PRKCE: variants seen among roughly 807,000 people sequenced by gnomAD.
The protein encoded by PRKCE is protein kinase C epsilon type.
PRKCE carries 16 observed loss-of-function variants against 85.4 expected under a neutral mutation model. The observed-to-expected ratio is 0.19, with a 90% confidence interval of 0.13 to 0.28. The LOEUF is 0.28. Among genes scored for constraint, PRKCE ranks in the 10% least tolerant of loss-of-function variants. The pLI, the probability that PRKCE is intolerant of heterozygous loss-of-function variation, is 1.00. For missense variants in PRKCE, 573 were observed against 975.2 expected (o/e 0.59, Z 5.49); for synonymous variants, 388 against 371.5 (o/e 1.04, Z -0.51).
At chr2:45,970,052 G>C (rs1702005657) in intron 2 of PRKCE, among the ~76,000 whole-genome samples, 1 of 152,182 alleles carries the variant, frequency 6.6e-6, no homozygotes. Context: ...TATTGACTTA[G>C]AGTTAATTCC....
At chr2:45,712,727 G>A (rs1315004942) in intron 1 of PRKCE, among the ~76,000 whole-genome samples, 2 of 152,040 alleles carry the variant, frequency 1.3e-5, no homozygotes, top group African/African-American at 4.8e-5. Context: ...GCTCCTCCCT[G>A]TACCTACAGG....
At chr2:45,887,576 G>A (rs1040984087) in intron 2 of PRKCE, among the ~76,000 whole-genome samples, 30 of 151,900 alleles carry the variant, frequency 2.0e-4, no homozygotes, top group African/African-American at 6.8e-4. Flanking sequence ...TACAGATGAA[G>A]CCACTTCTCC....
rs113536391 is a variant in PRKCE at position 45,852,575 on chromosome 2, A to G, written c.412+9512A>G. 4.2e-3 allele frequency among the ~76,000 whole-genome samples: 642 copies of G among 152,276 alleles called. 8 individuals are homozygous for G. Among genetic ancestry groups the G allele is most frequent in the Middle Eastern group, 0.017 (5 of 294 alleles). On this transcript the variant is annotated intron_variant, in intron 2 of 14. Coordinates refer to ENST00000306156, the MANE Select transcript of PRKCE (RefSeq NM_005400.3). The stretch of plus-strand genomic sequence containing the variant: ...CTCAAGCCAGGAGATGTCCAGCAAC[A>G]AGTCATTTACTCTACTTGGGTCCCA...
intron 14 of PRKCE, among the ~76,000 whole-genome samples, chr2:46,172,187 C>G (rs1237354759): frequency 6.6e-6 from 1 of 152,192 alleles, no homozygotes; most frequent in Non-Finnish European, 1.5e-5. Context: ...CCTGCAAAGC[C>G]AGGCTGAGCT....
chr2:46,112,296 G>C (rs1024672236), intron 11 of PRKCE, among the ~76,000 whole-genome samples: 1 of 151,980 alleles, frequency 6.6e-6, no homozygotes, highest in East Asian at 1.9e-4. Context: ...ATTTAAAGTG[G>C]TTTTCTTTTA....
At chr2:45,931,562 G>A (rs771842121) in intron 2 of PRKCE, among the ~76,000 whole-genome samples, 2 of 152,172 alleles carry the variant, frequency 1.3e-5, no homozygotes, top group East Asian at 1.9e-4. Context: ...TTCCATTGGG[G>A]CTTAACTTCC....
chr2:46,073,499 C>A (rs898969696), intron 10 of PRKCE: 1 of 152,234 alleles, frequency 6.6e-6, no homozygotes, highest in Non-Finnish European at 1.5e-5. Context: ...GTTGCACTTC[C>A]CTCAGCTGCT....
At position 45,707,776 on chromosome 2, in the gene PRKCE, G is replaced by A. The variant is rs1679237994; in HGVS notation, c.348+55328G>A. ...AATAGCTCCTGCATCCTCCCACACA[G>A]ACGAGCTGAGAGTCTGCCTCTGATG... On this transcript the variant is annotated intron_variant, in intron 1 of 14. Transcript: ENST00000306156. Among the ~76,000 whole-genome samples, 7 of 152,334 alleles carry A rather than the reference G, an allele frequency of 4.6e-5. No homozygotes were observed. The South Asian group carries it at 1.2e-3, about 27-fold the overall frequency.
At position 46,139,147 on chromosome 2, in the gene PRKCE, T is replaced by C. The variant is rs1243849113; in HGVS notation, c.1593-5946T>C. 6.6e-6 allele frequency among the ~76,000 whole-genome samples: 1 copy of C among 152,194 alleles called. No individual in the cohort carries two copies. Among genetic ancestry groups the C allele is most frequent in the Non-Finnish European group, 1.5e-5 (1 of 68,050 alleles). On this transcript the variant is annotated intron_variant, in intron 11 of 14. Coordinates refer to ENST00000306156, the MANE Select transcript of PRKCE (RefSeq NM_005400.3). This position sits in a 1 kb window ranked among gnomAD's most constrained non-coding sequence, Gnocchi z 5.2. ...GGGACCACCAAAGATGCTATCACCATTATTACTTAGCATTGTTCTTGAGGT... is the reference window on the plus strand; with the variant it reads ...GGGACCACCAAAGATGCTATCACCACTATTACTTAGCATTGTTCTTGAGGT...
Position 45,818,082 on chromosome 2 carries a change from T to A in PRKCE, c.349-24918T>A, listed in dbSNP as rs558349275. ...ACATTTGTGATTCTGTGACTTTTTC[T>A]CCTTCATGGGATAGGCAAGGGGAAT... On this transcript the variant is annotated intron_variant, in intron 1 of 14. Transcript: ENST00000306156. 2.6e-5 allele frequency among the ~76,000 whole-genome samples: 4 copies of A among 152,332 alleles called. No homozygotes were observed. In the South Asian group the frequency reaches 8.3e-4, roughly 32 times the overall value.
intron 10 of PRKCE, among the ~76,000 whole-genome samples, chr2:46,080,912 C>T (rs752911979): frequency 6.6e-6 from 1 of 152,064 alleles, no homozygotes. Flanking sequence ...CACAGGCTCA[C>T]GGCAGCAGGC....
chr2:45,651,296 G>T (rs1033948705), upstream of PRKCE: 1 of 149,844 alleles, frequency 6.7e-6, no homozygotes, highest in African/African-American at 2.4e-5. Context: ...CTGCCCCGCC[G>T]CCGCGCTGCG....
intron 2 of PRKCE, among the ~76,000 whole-genome samples, chr2:45,891,220 A>T (rs2105876628): frequency 6.6e-6 from 1 of 152,184 alleles, no homozygotes; most frequent in East Asian, 1.9e-4. Context: ...CCAATATAGA[A>T]CTTTGATACG....
At chr2:45,669,082 G>T (rs1332760949) in intron 1 of PRKCE, among the ~76,000 whole-genome samples, 1 of 152,142 alleles carries the variant, frequency 6.6e-6, no homozygotes, top group Non-Finnish European at 1.5e-5. Flanking sequence ...TAGGAAACTT[G>T]TGTCTTAGAA....
intron 1 of PRKCE, among the ~76,000 whole-genome samples, chr2:45,693,562 C>T (rs989696811): frequency 8.5e-5 from 13 of 152,190 alleles, no homozygotes; most frequent in Admixed American, 6.5e-4. Context: ...GGTCACCCAG[C>T]AGGGCTGGGT....
chr2:45,690,157 T>C (rs1327682100), intron 1 of PRKCE, among the ~76,000 whole-genome samples: 1 of 152,240 alleles, frequency 6.6e-6, no homozygotes, highest in Admixed American at 6.5e-5. Flanking sequence ...TTCAGTGTAG[T>C]AATCCATAGT....
At chr2:45,769,232 A>C (rs139934547) in intron 1 of PRKCE, among the ~76,000 whole-genome samples, 1 of 152,136 alleles carries the variant, frequency 6.6e-6, no homozygotes, top group African/African-American at 2.4e-5. Context: ...AAGTCTTTTC[A>C]TCCTCGCCCA....
At chr2:46,027,400 G>C (rs916617510) in intron 10 of PRKCE, among the ~76,000 whole-genome samples, 1 of 152,164 alleles carries the variant, frequency 6.6e-6, no homozygotes, top group Non-Finnish European at 1.5e-5. Context: ...AATAGGGACT[G>C]AATGAGGATG....
At chr2:46,081,118 A>G (rs1174980147) in intron 10 of PRKCE, among the ~76,000 whole-genome samples, 1 of 152,114 alleles carries the variant, frequency 6.6e-6, no homozygotes, top group Non-Finnish European at 1.5e-5. Context: ...CAGCCTCCCA[A>G]GTAGCTGGAA....
Sources: gnomAD v4.1 joint callset for allele counts (sites outside exome capture counted in the v4.1 genomes callset) on GRCh38, gnomAD v4.1.1 for gene constraint, Gnocchi (gnomAD v3.1) non-coding constraint, MANE v1.5 for transcripts, NCBI Gene and HGNC (gene_info 2026-07-23, HGNC 2026-07-21) for gene names.